FMN1: variants seen among roughly 807,000 people sequenced by gnomAD.
FMN1 encodes formin 1.
In FMN1, 110 loss-of-function variants were observed where a neutral mutation model predicts 132.4. That is an observed-to-expected ratio of 0.83 (90% CI 0.71 to 0.97). The LOEUF is 0.97. FMN1 is among the 50% of genes least tolerant of loss of function. The pLI is 0.00. For missense variants in FMN1, 1,792 were observed against 1,705.3 expected (o/e 1.05, Z -0.90); for synonymous variants, 722 against 651.7 (o/e 1.11, Z -1.64).
At chr15:32,845,350 G>C (rs568177138) in intron 17 of FMN1, among the ~76,000 whole-genome samples, 1 of 152,316 alleles carries the variant, frequency 6.6e-6, no homozygotes, top group South Asian at 2.1e-4. Flanking sequence ...AAACTTTGTT[G>C]TTATTGTTGG....
chr15:33,086,048 C>T (rs1274346508), intron 5 of FMN1, among the ~76,000 whole-genome samples: 1 of 151,918 alleles, frequency 6.6e-6, no homozygotes, highest in Non-Finnish European at 1.5e-5. Flanking sequence ...CCAGGAGATC[C>T]AGACCATCCT....
intron 16 of FMN1, among the ~76,000 whole-genome samples, chr15:32,865,854 TA>T (rs59722936): frequency 0.56 from 65,611 of 117,796 alleles, 15,564 homozygotes; most frequent in Non-Finnish European, 0.63. Context: ...AAAAAAAAAA[TA>T]AAATAAAATA....
intron 6 of FMN1, among the ~76,000 whole-genome samples, chr15:33,025,558 C>G (rs1258235582): frequency 6.6e-6 from 1 of 152,032 alleles, no homozygotes; most frequent in Non-Finnish European, 1.5e-5. Context: ...TTAAAAGAAA[C>G]TTTAAAAACC....
chr15:33,162,433 A>T (rs923355154), intron 3 of FMN1, among the ~76,000 whole-genome samples: 2 of 152,196 alleles, frequency 1.3e-5, no homozygotes, highest in Non-Finnish European at 2.9e-5. Flanking sequence ...GTTAAAAAAA[A>T]AAAGGAGAGT....
chr15:33,030,152 C>T (rs1371249131), intron 6 of FMN1, among the ~76,000 whole-genome samples: 5 of 152,090 alleles, frequency 3.3e-5, no homozygotes, highest in Admixed American at 6.6e-5. Flanking sequence ...AGCAAGACTC[C>T]GTCTCAAAAA....
chr15:33,004,365 A>G (rs1242640913), intron 7 of FMN1, among the ~76,000 whole-genome samples: 1 of 152,230 alleles, frequency 6.6e-6, no homozygotes, highest in Non-Finnish European at 1.5e-5. Flanking sequence ...CAACCCCATC[A>G]AAAAGTAGGC....
At chr15:32,919,417 G>C (rs1174404142) in intron 10 of FMN1, among the ~76,000 whole-genome samples, 1 of 152,064 alleles carries the variant, frequency 6.6e-6, no homozygotes, top group Non-Finnish European at 1.5e-5. Flanking sequence ...TATCACTAAG[G>C]CTACTTAAAA....
intron 7 of FMN1, among the ~76,000 whole-genome samples, chr15:32,974,525 T>C (rs2032045756): frequency 6.6e-6 from 1 of 152,206 alleles, no homozygotes; most frequent in Non-Finnish European, 1.5e-5. Flanking sequence ...AATTTTTACC[T>C]TTCTAATAAA....
At chr15:33,113,991 GT>G (rs2039814395) in intron 4 of FMN1, among the ~76,000 whole-genome samples, 1 of 152,178 alleles carries the variant, frequency 6.6e-6, no homozygotes, top group African/African-American at 2.4e-5. Context: ...TCTAGGCTCA[GT>G]TATCTAAGGT....
intron 16 of FMN1, among the ~76,000 whole-genome samples, chr15:32,875,471 T>C (rs1427588330): frequency 6.6e-6 from 1 of 152,090 alleles, no homozygotes; most frequent in Non-Finnish European, 1.5e-5. Flanking sequence ...TACCAGGTGG[T>C]TAGGTTAGTA....
At chr15:33,083,171 T>A (rs1284600142) in intron 5 of FMN1, among the ~76,000 whole-genome samples, 2 of 152,208 alleles carry the variant, frequency 1.3e-5, no homozygotes, top group Admixed American at 1.3e-4. Context: ...GGACAGAACT[T>A]CTAAAACCCT....
At position 33,008,067 on chromosome 15, in the gene FMN1, C is replaced by T. The variant is rs746704055; in HGVS notation, c.2170G>A (p.Ala724Thr). The stretch of plus-strand genomic sequence containing the variant: ...TCCCTCTTCAAGTGTAAAATAGCAG[C>T]TTGGTATTCTGTAAAATCAAAAAAG... ...GLKYTEAEYQ[A>T]AILHLKREHK... Residue 724 changes from alanine to threonine, a missense_variant, in exon 7 of 21, where the codon GCT becomes ACT. Ala to Thr is a moderately conservative substitution (Grantham distance 58, BLOSUM62 0). Coordinates refer to ENST00000616417, the MANE Select transcript of FMN1 (RefSeq NM_001277313.2). 2 of 1,594,700 alleles carry T rather than the reference C, an allele frequency of 1.3e-6. No homozygotes were observed. The highest frequency in any genetic ancestry group is 1.7e-5 in the Admixed American group (1 of 57,408).
chr15:32,909,017 G>T (rs1470370570), intron 11 of FMN1, among the ~76,000 whole-genome samples: 1 of 152,068 alleles, frequency 6.6e-6, no homozygotes, highest in Admixed American at 6.5e-5. Flanking sequence ...AGTCAACAAC[G>T]TCCCTTTTTC....
intron 3 of FMN1, among the ~76,000 whole-genome samples, chr15:33,161,159 A>G (rs1188433995): frequency 6.6e-6 from 1 of 152,238 alleles, no homozygotes; most frequent in Non-Finnish European, 1.5e-5. Flanking sequence ...CGGCTAAGAC[A>G]GATTACCTGT....
chr15:32,981,960 A>G (rs967074871), intron 7 of FMN1, among the ~76,000 whole-genome samples: 1 of 152,104 alleles, frequency 6.6e-6, no homozygotes. Context: ...CCACACAGGG[A>G]AAAAATGTTG....
chr15:33,052,130 GGA>G (rs1455144201), intron 6 of FMN1, among the ~76,000 whole-genome samples: 1 of 152,172 alleles, frequency 6.6e-6, no homozygotes, highest in Admixed American at 6.5e-5. Flanking sequence ...TCTGTAATAA[GGA>G]GAGAGCTAAA....
At chr15:32,816,635 C>T (rs1426545782) in intron 17 of FMN1, among the ~76,000 whole-genome samples, 1 of 152,208 alleles carries the variant, frequency 6.6e-6, no homozygotes, top group Non-Finnish European at 1.5e-5. Context: ...AAGCTGTCCC[C>T]TGACTCCCGA....
chr15:33,102,154 A>G (rs2039318560), intron 4 of FMN1, among the ~76,000 whole-genome samples: 1 of 152,098 alleles, frequency 6.6e-6, no homozygotes, highest in African/African-American at 2.4e-5. Flanking sequence ...TTTTATGTGT[A>G]TCTGCTTTAC....
chr15:32,947,349 C>T (rs2061532231), intron 9 of FMN1, among the ~76,000 whole-genome samples: 1 of 152,040 alleles, frequency 6.6e-6, no homozygotes, highest in Non-Finnish European at 1.5e-5. Flanking sequence ...CTTCTGAGCT[C>T]TCAATTCTTT....
Sources: allele counts gnomAD v4.1 joint callset (sites outside exome capture counted in the v4.1 genomes callset), GRCh38; gene constraint gnomAD v4.1.1; transcripts MANE v1.5; gene names NCBI Gene and HGNC (gene_info 2026-07-23, HGNC 2026-07-21).